SLC7A1: variants seen among roughly 807,000 people sequenced by gnomAD.
The protein encoded by SLC7A1 is solute carrier family 7 member 1, also known as high affinity cationic amino acid transporter 1.
In SLC7A1, 10 loss-of-function variants were observed where a neutral mutation model predicts 53.9. That is an observed-to-expected ratio of 0.19 (90% CI 0.11 to 0.31). The LOEUF is 0.31. Among genes scored for constraint, SLC7A1 ranks in the 10% least tolerant of loss-of-function variants. The pLI is 1.00. For synonymous variants in SLC7A1, 342 were observed against 338.7 expected (o/e 1.01, Z -0.11); for missense variants, 525 against 827.2 (o/e 0.63, Z 4.48).
intron 12 of SLC7A1, 128 bp downstream of exon 12, chr13:29,516,010 C>T: frequency 1.7e-6 from 1 of 600,086 alleles, no homozygotes; most frequent in Non-Finnish European, 3.0e-6. Context: ...CACAGCCTAC[C>T]AGGGATTCAG....
intron 12 of SLC7A1, among the ~76,000 whole-genome samples, chr13:29,514,923 C>A (rs945529310): frequency 1.3e-5 from 2 of 152,194 alleles, no homozygotes; most frequent in Non-Finnish European, 2.9e-5. Context: ...ACGAGAGTAT[C>A]GAGAATGTGC....
intron 1 of SLC7A1, among the ~76,000 whole-genome samples, chr13:29,572,545 G>A (rs1357769735): frequency 3.9e-5 from 6 of 152,090 alleles, no homozygotes; most frequent in African/African-American, 7.2e-5. Context: ...AGGACTGGCC[G>A]GATGCCATCA....
At position 29,517,769 on chromosome 13, in the gene SLC7A1, G is replaced by A. The variant is rs144943782; in HGVS notation, c.1314C>T (p.Asn438=). Residue 438 remains asparagine, a synonymous_variant, in exon 10 of 13, where the codon AAC becomes AAT. Coordinates refer to ENST00000380752, the MANE Select transcript of SLC7A1 (RefSeq NM_003045.5). ...AAGTACTGGCCATCTGGTATACCAG[G>A]TTAGGCTGCTCTGGCTGGTACCTGG... is the stretch of plus-strand genomic sequence containing the variant. ...LVLRYQPEQP[N]LVYQMASTSD... is the part of the protein sequence containing the mutation. The A allele has an allele frequency of 9.3e-6, 15 of 1,613,988 alleles. No homozygotes were observed. The highest frequency in any genetic ancestry group is 3.3e-5 in the South Asian group (3 of 91,084).
At chr13:29,537,838 T>C (rs773028863) in intron 2 of SLC7A1, among the ~76,000 whole-genome samples, 18 of 152,254 alleles carry the variant, frequency 1.2e-4, no homozygotes, top group Non-Finnish European at 2.2e-4. Flanking sequence ...TGACCTAACT[T>C]GGCTGCAATT....
chr13:29,545,325 C>A (rs1385738624), intron 2 of SLC7A1, among the ~76,000 whole-genome samples: 1 of 152,180 alleles, frequency 6.6e-6, no homozygotes, highest in Admixed American at 6.5e-5. Context: ...ACCCCCTTCA[C>A]CCCAATCAGA....
chr13:29,580,923 C>T (rs1409640414), intron 1 of SLC7A1, among the ~76,000 whole-genome samples: 1 of 152,156 alleles, frequency 6.6e-6, no homozygotes, highest in Admixed American at 6.5e-5. Context: ...ACTGCAAGTG[C>T]CCTCTATCCC....
At chr13:29,521,545 C>T (rs547013175) in intron 8 of SLC7A1, among the ~76,000 whole-genome samples, 1 of 152,190 alleles carries the variant, frequency 6.6e-6, no homozygotes, top group African/African-American at 2.4e-5. Flanking sequence ...AGTGGGCTGA[C>T]GTCTGCCTTT....
chr13:29,515,857 G>C lies in SLC7A1; in HGVS notation c.1786+281C>G, dbSNP rs148911398. ...CAGGAGGCACAGGCCAGACTTTCCT[G>C]TCTGGGGTGAAAATAACTGGTACCT... is the stretch of plus-strand genomic sequence containing the variant. On this transcript the variant is annotated intron_variant, in intron 12 of 12. Coordinates refer to ENST00000380752, the MANE Select transcript of SLC7A1 (RefSeq NM_003045.5). Among the ~76,000 whole-genome samples, 44 of 152,392 alleles carry C rather than the reference G, an allele frequency of 2.9e-4. No individual in the cohort carries two copies. In the East Asian group the frequency reaches 8.1e-3, roughly 28 times the overall value.
rs551106458 is a variant in SLC7A1, at chr13:29,530,465, G to A, written c.704+73C>T. On this transcript the variant is annotated intron_variant, in intron 5 of 12. Coordinates refer to ENST00000380752, the MANE Select transcript of SLC7A1 (RefSeq NM_003045.5). ...TTTCTTAAAAGCACATGCCATCCTA[G>A]CCAGTTATATCCCCCATACAATCTA... 17 of 1,321,934 alleles carry A rather than the reference G, an allele frequency of 1.3e-5. No individual in the cohort carries two copies. In the East Asian group the frequency reaches 2.6e-4, roughly 20 times the overall value. The allele number at this position is 1,321,934 out of a possible 1,614,324, so 81.9% of individuals were successfully genotyped here.
intron 1 of SLC7A1, among the ~76,000 whole-genome samples, chr13:29,578,904 C>T (rs1278045210): frequency 1.3e-5 from 2 of 152,380 alleles, no homozygotes; most frequent in South Asian, 2.1e-4. Context: ...GGCAAGAACT[C>T]TCGCTCTCAC....
At chr13:29,595,261 T>TCCTGGC (rs1471170718) in intron 1 of SLC7A1, among the ~76,000 whole-genome samples, 155 bp downstream of exon 1, 1 of 151,712 alleles carries the variant, frequency 6.6e-6, no homozygotes, top group African/African-American at 2.4e-5. Context: ...CCGGCCCTGG[T>TCCTGGC]CCTGGCCCTT....
At chr13:29,517,405 G>T in intron 10 of SLC7A1, 95 bp from the exon 11 acceptor site, 1 of 1,374,432 alleles carries the variant, frequency 7.3e-7, no homozygotes, top group Non-Finnish European at 1.0e-6. Flanking sequence ...TGGAGAGAGA[G>T]GCTCCATTTC....
intron 1 of SLC7A1, among the ~76,000 whole-genome samples, chr13:29,594,722 C>T (rs183811304): frequency 5.1e-4 from 78 of 152,338 alleles, no homozygotes; most frequent in Non-Finnish European, 9.6e-4. Context: ...ACAAGGAAGC[C>T]CACCTAGGGG....
At chr13:29,515,094 C>T (rs994365656) in intron 12 of SLC7A1, among the ~76,000 whole-genome samples, 5 of 152,196 alleles carry the variant, frequency 3.3e-5, no homozygotes, top group Non-Finnish European at 7.3e-5. Context: ...TTCCTGCACA[C>T]GGGACTCCAG....
intron 8 of SLC7A1, among the ~76,000 whole-genome samples, chr13:29,521,587 G>A (rs569397490): frequency 5.9e-5 from 9 of 152,238 alleles, no homozygotes; most frequent in Admixed American, 2.0e-4. Flanking sequence ...CGAAAGGGGC[G>A]GGCGTCTGCC....
At position 29,524,183 on chromosome 13, in the gene SLC7A1, C is replaced by A. The variant is rs779333571; in HGVS notation, c.775G>T (p.Ala259Ser). Residue 259 changes from alanine to serine, a missense_variant, in exon 6 of 13, where the codon GCA becomes TCA. Ala to Ser is a moderately conservative substitution (Grantham distance 99). This residue lies in a region of SLC7A1 where 354 missense variants were observed against 587.5 expected (regional missense o/e 0.60). Transcript: ENST00000380752. ...PFGFSGVLSGAATCFYAFVGF... is the reference protein window; with the variant it reads ...PFGFSGVLSGSATCFYAFVGF... ...ACGAAGGCATAGAAGCAAGTCGCTGCCCCCGACAGGACACCAGAGAACCCG... is the reference window on the plus strand; with the variant it reads ...ACGAAGGCATAGAAGCAAGTCGCTGACCCCGACAGGACACCAGAGAACCCG... 1.2e-6 allele frequency: 2 copies of A among 1,614,038 alleles called. No homozygotes were observed. Among genetic ancestry groups the A allele is most frequent in the Non-Finnish European group, 8.5e-7 (1 of 1,179,956 alleles).
chr13:29,561,128 G>T (rs1870735208), intron 1 of SLC7A1, among the ~76,000 whole-genome samples: 1 of 152,170 alleles, frequency 6.6e-6, no homozygotes, highest in Admixed American at 6.5e-5. Context: ...CCCCATCTTT[G>T]AGGAGTTAAT....
chr13:29,514,522 G>A lies in SLC7A1; in HGVS notation c.1848C>T (p.Asp616=). The stretch of plus-strand genomic sequence containing the variant: ...AGTTGCCGTCAGGAGTCCTTGCTTG[G>A]TCGGCATCCAGGGACGCCTCCTCGC... ...WHSEEASLDA[D]QARTPDGNLD... is the part of the protein sequence containing the mutation. The change falls in exon 13 of 13, where the codon GAC becomes GAT. Residue 616 remains aspartate, a synonymous_variant. Coordinates refer to ENST00000380752, the MANE Select transcript of SLC7A1 (RefSeq NM_003045.5). 6.2e-7 allele frequency: 1 copy of A among 1,611,370 alleles called. No homozygotes were observed. The highest frequency in any genetic ancestry group is 1.1e-5 in the South Asian group (1 of 91,074).
intron 8 of SLC7A1, among the ~76,000 whole-genome samples, 159 bp downstream of exon 8, chr13:29,522,158 T>G (rs1325638512): frequency 2.0e-5 from 3 of 152,214 alleles, no homozygotes. Context: ...TGTCAAAAGG[T>G]CAGTCAACTT....
Sources: allele counts gnomAD v4.1 joint callset (sites outside exome capture counted in the v4.1 genomes callset), GRCh38; gene constraint gnomAD v4.1.1; regional missense constraint gnomAD v4.1.1; transcripts MANE v1.5; gene names NCBI Gene and HGNC (gene_info 2026-07-23, HGNC 2026-07-21).